Variants in NDUFAF2 observed in about 807,000 individuals in gnomAD.
NDUFAF2 encodes NADH:ubiquinone oxidoreductase complex assembly factor 2, also known as NADH dehydrogenase [ubiquinone] 1 alpha subcomplex assembly factor 2.
A neutral mutation model predicts 22.8 loss-of-function variants in NDUFAF2; 13 were observed. That is an observed-to-expected ratio of 0.57 (90% CI 0.37 to 0.91). The LOEUF (loss-of-function observed/expected upper bound fraction) is 0.91, where lower values mean the gene tolerates loss of function less well. NDUFAF2 is among the 40% of genes least tolerant of loss of function. The pLI, the probability that NDUFAF2 is intolerant of heterozygous loss-of-function variation, is 0.01. For synonymous variants in NDUFAF2, 53 were observed against 64.2 expected (o/e 0.83, Z 0.84); for missense variants, 162 against 195.2 (o/e 0.83, Z 1.01).
chr5:60,989,712 C>T (rs1372434034), intron 1 of NDUFAF2, among the ~76,000 whole-genome samples: 1 of 152,030 alleles, frequency 6.6e-6, no homozygotes, highest in Non-Finnish European at 1.5e-5. Context: ...CACGTGGACA[C>T]AACAAAGGGA....
At chr5:61,042,144 T>A (rs1481888894) in intron 1 of NDUFAF2, among the ~76,000 whole-genome samples, 2 of 152,192 alleles carry the variant, frequency 1.3e-5, no homozygotes, top group African/African-American at 2.4e-5. Flanking sequence ...TAGCACTGTT[T>A]TAGCCATAGG....
At position 61,000,885 on chromosome 5, in the gene NDUFAF2, T is replaced by C. The variant is rs927835222; in HGVS notation, c.127+55503T>C. Among the ~76,000 whole-genome samples, 6 of 152,176 alleles carry C rather than the reference T, an allele frequency of 3.9e-5. No homozygotes were observed. The South Asian group carries it at 8.3e-4, about 21-fold the overall frequency. On this transcript the variant is annotated intron_variant, in intron 1 of 3. Coordinates refer to ENST00000296597, the MANE Select transcript of NDUFAF2 (RefSeq NM_174889.5). ...ACAGAATAACATTGAGAGATACTAA[T>C]AGAGAATGGGTATATGCCTAGAAAC...
intron 1 of NDUFAF2, among the ~76,000 whole-genome samples, chr5:61,040,286 A>ACACACACGCGCGCG (rs1491193758): frequency 1.7e-4 from 16 of 93,072 alleles, no homozygotes; most frequent in Admixed American, 2.0e-4. Flanking sequence ...ACACACACAC[A>ACACACACGCGCGCG]CGCGCGCGCG....
intron 1 of NDUFAF2, among the ~76,000 whole-genome samples, chr5:60,991,256 T>C (rs1378448226): frequency 6.6e-6 from 1 of 152,184 alleles, no homozygotes; most frequent in African/African-American, 2.4e-5. Flanking sequence ...AGGCATGCAA[T>C]GTGAAATAAG....
intron 1 of NDUFAF2, among the ~76,000 whole-genome samples, chr5:60,979,510 T>C (rs1329637454): frequency 6.6e-6 from 1 of 152,046 alleles, no homozygotes; most frequent in Non-Finnish European, 1.5e-5. Context: ...GAGTGAACAA[T>C]GGTGGTAGCC....
chr5:61,009,056 G>A (rs1047772457), intron 1 of NDUFAF2, among the ~76,000 whole-genome samples: 24 of 151,810 alleles, frequency 1.6e-4, no homozygotes, highest in Admixed American at 5.3e-4. Flanking sequence ...CTACTAATCC[G>A]TATCTATTAT....
chr5:61,064,912 AC>A (rs925117896), intron 1 of NDUFAF2, among the ~76,000 whole-genome samples: 3 of 152,190 alleles, frequency 2.0e-5, no homozygotes, highest in Middle Eastern at 3.4e-3. Flanking sequence ...AACAAAAAAA[AC>A]ATAGAGTCAA....
At chr5:60,950,621 G>A (rs1244153704) in intron 1 of NDUFAF2, among the ~76,000 whole-genome samples, 1 of 146,122 alleles carries the variant, frequency 6.8e-6, no homozygotes, top group African/African-American at 2.5e-5. Context: ...TGTCAATTTT[G>A]TCACATGCTT....
intron 1 of NDUFAF2, among the ~76,000 whole-genome samples, chr5:60,981,637 C>T (rs1046784671): frequency 2.6e-5 from 4 of 152,014 alleles, no homozygotes; most frequent in African/African-American, 9.7e-5. Context: ...TTTTTTAAGA[C>T]ATAGTACAAT....
At chr5:61,020,440 T>C (rs1751563156) in intron 1 of NDUFAF2, among the ~76,000 whole-genome samples, 1 of 152,194 alleles carries the variant, frequency 6.6e-6, no homozygotes, top group Non-Finnish European at 1.5e-5. Context: ...CATCTCTGAA[T>C]ATTTGATACA....
In NDUFAF2 at chr5:60,993,265, T is replaced by TTAGA. The variant is rs200729973; in HGVS notation, c.127+47886_127+47889dup. Among the ~76,000 whole-genome samples, 338 of 152,334 alleles carry TTAGA rather than the reference T, an allele frequency of 2.2e-3. 1 individual carries two copies. The highest frequency in any genetic ancestry group is 7.7e-3 in the African/African-American group (322 of 41,580). On this transcript the variant is annotated intron_variant, in intron 1 of 3. Transcript: ENST00000296597. Reference sequence around the variant, plus strand: ...GGGGAACGTGGTGTCGCCTAGCAGCTTAGATACTCCAGGAACCTCAGGCCC... The same window carrying TTAGA: ...GGGGAACGTGGTGTCGCCTAGCAGCTTAGATAGATACTCCAGGAACCTCAGGCCC...
rs1332367303 is a variant in NDUFAF2 at position 61,129,178 on chromosome 5, G to C, written c.259-23526G>C. ...GGAGAGGATGTGGAGAAATAGAACA[G>C]TTTTACACTGTTGGTGGGACTGTAA... On this transcript the variant is annotated intron_variant, in intron 3 of 3. Transcript: ENST00000296597. 1.2e-4 allele frequency among the ~76,000 whole-genome samples: 18 copies of C among 152,082 alleles called. No individual in the cohort carries two copies. In the South Asian group the frequency reaches 1.7e-3, roughly 14 times the overall value.
intron 1 of NDUFAF2, among the ~76,000 whole-genome samples, chr5:60,969,728 A>C (rs1438191384): frequency 2.0e-5 from 3 of 152,036 alleles, no homozygotes; most frequent in Admixed American, 6.5e-5. Flanking sequence ...TTTTAACTTA[A>C]TGTGATCCCA....
intron 1 of NDUFAF2, among the ~76,000 whole-genome samples, chr5:60,971,465 T>A (rs575051320): frequency 6.6e-6 from 1 of 151,964 alleles, no homozygotes; most frequent in East Asian, 1.9e-4. Context: ...TTTTTTGTAT[T>A]TTTAGTAGAA....
chr5:61,141,275 G>C (rs1231767116), intron 3 of NDUFAF2, among the ~76,000 whole-genome samples: 1 of 151,716 alleles, frequency 6.6e-6, no homozygotes, highest in African/African-American at 2.4e-5. Flanking sequence ...TGGGACACTA[G>C]CTTTTCTTCT....
chr5:61,001,892 C>T (rs1751300666), intron 1 of NDUFAF2, among the ~76,000 whole-genome samples: 2 of 152,048 alleles, frequency 1.3e-5, no homozygotes, highest in African/African-American at 2.4e-5. Context: ...ATGATAAATC[C>T]TTCTTATTTG....
chr5:61,011,184 G>GT (rs1224151104), intron 1 of NDUFAF2, among the ~76,000 whole-genome samples: 1 of 152,062 alleles, frequency 6.6e-6, no homozygotes, highest in East Asian at 1.9e-4. Flanking sequence ...TTCATATGAG[G>GT]TTTTTCCTGT....
intron 1 of NDUFAF2, among the ~76,000 whole-genome samples, chr5:61,007,433 G>A (rs888096430): frequency 6.6e-6 from 1 of 151,888 alleles, no homozygotes; most frequent in African/African-American, 2.4e-5. Context: ...TTGTAGATAT[G>A]TGGCGTTATT....
chr5:61,131,586 T>C (rs1474098313), intron 3 of NDUFAF2, among the ~76,000 whole-genome samples: 1 of 152,172 alleles, frequency 6.6e-6, no homozygotes, highest in Non-Finnish European at 1.5e-5. Flanking sequence ...ATTCTAAACA[T>C]TCATCTATAG....
Sources: gnomAD v4.1 joint callset for allele counts (sites outside exome capture counted in the v4.1 genomes callset) on GRCh38, gnomAD v4.1.1 for gene constraint, MANE v1.5 for transcripts, NCBI Gene and HGNC (gene_info 2026-07-23, HGNC 2026-07-21) for gene names.